C5: variants seen among roughly 807,000 people sequenced by gnomAD.
C5 encodes the protein complement C5.
In C5, 140 loss-of-function variants were observed where a neutral mutation model predicts 218.8. The observed-to-expected ratio is 0.64, with a 90% CI of 0.56 to 0.74. The LOEUF (loss-of-function observed/expected upper bound fraction) is 0.74. Ranked by LOEUF, C5 falls within the 30% of genes least tolerant of loss-of-function variation. C5 has a pLI of 0.00. For missense variants in C5, 1,700 were observed against 1,969.6 expected (o/e 0.86, Z 2.59); for synonymous variants, 614 against 682.3 (o/e 0.90, Z 1.56).
chr9:121,074,124 G>T, the C5 span, among the ~76,000 whole-genome samples: 3 of 152,142 alleles, frequency 2.0e-5, no homozygotes, highest in African/African-American at 7.2e-5. Flanking sequence ...TTGCACTGGG[G>T]ATTTCTGGAG....
At chr9:121,036,447 T>C (rs1052700443) in intron 4 of C5, among the ~76,000 whole-genome samples, 65 of 152,206 alleles carry the variant, frequency 4.3e-4, no homozygotes, top group African/African-American at 1.5e-3. Flanking sequence ...CATGAAGACG[T>C]TGGATAAAGA....
intron 7 of C5, among the ~76,000 whole-genome samples, chr9:121,027,482 G>A (rs2047434636): frequency 6.6e-6 from 1 of 152,060 alleles, no homozygotes; most frequent in East Asian, 1.9e-4. Flanking sequence ...CATGGTACTG[G>A]TACCAAAACA....
upstream of C5, among the ~76,000 whole-genome samples, chr9:121,053,950 T>C (rs752843846): frequency 3.3e-5 from 5 of 152,118 alleles, no homozygotes; most frequent in African/African-American, 7.2e-5. Context: ...CTGAGTCTAT[T>C]TGAGTGGCAG....
chr9:121,021,415 G>T, intron 11 of C5, 94 bp downstream of exon 11: 1 of 984,206 alleles, frequency 1.0e-6, no homozygotes, highest in Non-Finnish European at 1.6e-6. Context: ...GGACTCATGT[G>T]TAAAATCTGC....
chr9:120,983,044 C>T (rs970321660), intron 25 of C5, among the ~76,000 whole-genome samples: 1 of 152,144 alleles, frequency 6.6e-6, no homozygotes, highest in Non-Finnish European at 1.5e-5. Flanking sequence ...TCCGCTAGCA[C>T]ACAAGCTAAA....
intron 14 of C5, 66 bp from the exon 15 acceptor site, chr9:121,016,449 G>C: frequency 6.3e-7 from 1 of 1,588,860 alleles, no homozygotes; most frequent in Non-Finnish European, 8.6e-7. Flanking sequence ...AGATCTAAAA[G>C]GTACTAATTG....
chr9:121,054,053 CAA>C (rs2047686219), upstream of C5, among the ~76,000 whole-genome samples: 2 of 152,022 alleles, frequency 1.3e-5, no homozygotes, highest in African/African-American at 4.8e-5. Flanking sequence ...CCCACTTGGC[CAA>C]AGAGACCCCA....
At chr9:120,987,835 C>T (rs1006359849) in intron 25 of C5, among the ~76,000 whole-genome samples, 3 of 151,648 alleles carry the variant, frequency 2.0e-5, no homozygotes, top group South Asian at 2.1e-4. Flanking sequence ...CTCTGTCACC[C>T]GGGCTGGAGT....
chr9:121,037,974 CA>C, intron 3 of C5, 23 bp from the exon 4 acceptor site: 3 of 1,108,172 alleles, frequency 2.7e-6, no homozygotes, highest in South Asian at 1.5e-5. Flanking sequence ...TTGATATAAT[CA>C]AAAACTCTGC....
chr9:121,070,413 ATATATATATATATG>A, the C5 span, among the ~76,000 whole-genome samples: 7 of 126,238 alleles, frequency 5.5e-5, no homozygotes, highest in African/African-American at 2.1e-4. Context: ...ATATATATAT[ATATATATATATATG>A]TATGTATATT....
chr9:120,995,489 T>C (rs2047109342), intron 22 of C5, among the ~76,000 whole-genome samples: 1 of 152,110 alleles, frequency 6.6e-6, no homozygotes, highest in Admixed American at 6.6e-5. Context: ...AATATCTCAA[T>C]TGAAGGAAAA....
At chr9:121,052,222 C>T (rs896917844), upstream of C5, among the ~76,000 whole-genome samples, 1 of 151,950 alleles carries the variant, frequency 6.6e-6, no homozygotes, top group Non-Finnish European at 1.5e-5. Context: ...TTTGGGAGGC[C>T]GAGGTGGGTG....
chr9:121,017,557 A>G (rs375612905), intron 13 of C5, 46 bp from the exon 14 acceptor site: 32 of 1,609,418 alleles, frequency 2.0e-5, no homozygotes, highest in Non-Finnish European at 2.2e-5. Flanking sequence ...TTTGTATGAG[A>G]CAAGACTTTT....
intron 22 of C5, among the ~76,000 whole-genome samples, chr9:120,991,742 A>C (rs1587964939): frequency 6.6e-6 from 1 of 152,352 alleles, no homozygotes; most frequent in African/African-American, 2.4e-5. Context: ...TGGGCAAAAC[A>C]ACAGAGTTTT....
At chr9:121,053,146 A>G (rs892569022), upstream of C5, among the ~76,000 whole-genome samples, 1 of 152,184 alleles carries the variant, frequency 6.6e-6, no homozygotes, top group Non-Finnish European at 1.5e-5. Context: ...AGGCCAGTGG[A>G]GAAACAGAGG....
intron 33 of C5, among the ~76,000 whole-genome samples, chr9:120,966,589 C>T (rs1345887472): frequency 6.6e-6 from 1 of 152,178 alleles, no homozygotes; most frequent in African/African-American, 2.4e-5. Context: ...TTTGCTTACA[C>T]TTCCCTTTGA....
At chr9:121,001,222 C>T (rs370285108) in intron 20 of C5, among the ~76,000 whole-genome samples, 1 of 152,194 alleles carries the variant, frequency 6.6e-6, no homozygotes, top group East Asian at 1.9e-4. Flanking sequence ...TAATCTTCAA[C>T]TATGAAATAG....
intron 31 of C5, 66 bp from the exon 32 acceptor site, chr9:120,970,317 C>T: frequency 9.8e-7 from 1 of 1,015,516 alleles, no homozygotes; most frequent in Non-Finnish European, 1.6e-6. Context: ...GGTATTATGG[C>T]AACACTGCTG....
intron 39 of C5, among the ~76,000 whole-genome samples, chr9:120,954,249 G>A (rs541891134): frequency 6.6e-6 from 1 of 152,242 alleles, no homozygotes; most frequent in Non-Finnish European, 1.5e-5. Flanking sequence ...TATATAACCA[G>A]AATTAAAAGA....
Sources: gnomAD v4.1 joint callset for allele counts (sites outside exome capture counted in the v4.1 genomes callset) on GRCh38, gnomAD v4.1.1 for gene constraint, MANE v1.5 for transcripts, NCBI Gene and HGNC (gene_info 2026-07-23, HGNC 2026-07-21) for gene names.